Variants in PPP1R13L observed in about 807,000 individuals in gnomAD.
PPP1R13L encodes relA-associated inhibitor.
PPP1R13L carries 50 observed loss-of-function variants against 80.9 expected under a neutral mutation model. That is an observed-to-expected ratio of 0.62 (90% CI 0.49 to 0.78). The LOEUF (loss-of-function observed/expected upper bound fraction) is 0.78. Ranked by LOEUF, PPP1R13L falls within the 30% of genes least tolerant of loss-of-function variation. The pLI, the probability that PPP1R13L is intolerant of heterozygous loss-of-function variation, is 0.00. For missense variants in PPP1R13L, 1,200 were observed against 1,205.9 expected (o/e 1.00, Z 0.07); for synonymous variants, 602 against 534.3 (o/e 1.13, Z -1.75).
intron 11 of PPP1R13L, among the ~76,000 whole-genome samples, chr19:45,385,133 C>A (rs1313655786): frequency 2.0e-5 from 3 of 152,184 alleles, no homozygotes; most frequent in Non-Finnish European, 2.9e-5. Context: ...TAGGGTACAG[C>A]CTTGTGTCTT....
intron 1 of PPP1R13L, among the ~76,000 whole-genome samples, chr19:45,400,592 G>A (rs1162302191): frequency 1.4e-5 from 2 of 145,708 alleles, no homozygotes; most frequent in African/African-American, 5.1e-5. Flanking sequence ...CAAAGAAGAA[G>A]GCAAATCACC....
Position 45,400,740 on chromosome 19 carries a change from C to T in PPP1R13L, c.-21-2401G>A, listed in dbSNP as rs375421010. 1.0e-3 allele frequency among the ~76,000 whole-genome samples: 148 copies of T among 145,844 alleles called. 28 individuals are homozygous for T. In the South Asian group the frequency reaches 0.022, roughly 21 times the overall value. ...GTAGCTGAGACTATAGGTATAGCCT[C>T]GCACCACCACACCCAGCTAATTTTT... On this transcript the variant is annotated intron_variant, in intron 1 of 12. Transcript: ENST00000360957.
chr19:45,388,679 A>G (rs975504487), intron 8 of PPP1R13L, among the ~76,000 whole-genome samples: 3 of 152,218 alleles, frequency 2.0e-5, no homozygotes, highest in South Asian at 2.1e-4. Flanking sequence ...TTCAAGAATC[A>G]GTAATAATCA....
chr19:45,381,746 C>T (rs1394307558), intron 12 of PPP1R13L, among the ~76,000 whole-genome samples: 4 of 145,902 alleles, frequency 2.7e-5, no homozygotes, highest in Non-Finnish European at 4.5e-5. Context: ...GCCTGGCCAA[C>T]GTGATGAAAC....
chr19:45,399,053 C>T (rs182934052), intron 1 of PPP1R13L, among the ~76,000 whole-genome samples: 266 of 151,972 alleles, frequency 1.8e-3, no homozygotes, highest in African/African-American at 6.0e-3. Flanking sequence ...ATGCCAGTCT[C>T]CTGTCTCAGC....
At chr19:45,404,321 G>C (rs567685535) in intron 1 of PPP1R13L, among the ~76,000 whole-genome samples, 1 of 152,296 alleles carries the variant, frequency 6.6e-6, no homozygotes, top group South Asian at 2.1e-4. Context: ...CCTCCGCCAG[G>C]GGGTGCCCTA....
In PPP1R13L at chr19:45,392,127, C is replaced by T. The variant is rs756270372; in HGVS notation, c.1568G>A (p.Arg523His). Residue 523 changes from arginine to histidine, a missense_variant, in exon 8 of 13, where the codon CGC (arginine) becomes CAC (histidine). Transcript: ENST00000360957. Reference protein sequence around the residue: ...VLAEIPRPLKRRGSMEQAPAV... With the variant: ...VLAEIPRPLKHRGSMEQAPAV... ...AGGGGCCTGCTCCATGGAGCCCCTG[C>T]GTTTGAGGGGCCGGGGAATTTCCGC... The T allele has an allele frequency of 8.9e-6, 14 of 1,569,624 alleles. No homozygotes were observed. The highest frequency in any genetic ancestry group is 1.4e-5 in the African/African-American group (1 of 73,972).
At chr19:45,395,230 G>C in intron 7 of PPP1R13L, 1 of 655,354 alleles carries the variant, frequency 1.5e-6, no homozygotes, top group Middle Eastern at 2.4e-4. Flanking sequence ...GAACCAGGCA[G>C]TCTGGCTTCA....
chr19:45,387,838 A>C (rs145288085), intron 8 of PPP1R13L, among the ~76,000 whole-genome samples: 1,791 of 152,300 alleles, frequency 0.012, 37 homozygotes, highest in African/African-American at 0.041. Context: ...GGTGTGAGCC[A>C]TCATGCCTGA....
At position 45,385,688 on chromosome 19, in the gene PPP1R13L, T is replaced by C; in HGVS notation, c.2122A>G (p.Ile708Val). The C allele has an allele frequency of 6.2e-7, 1 of 1,612,804 alleles. No homozygotes were observed. Among genetic ancestry groups the C allele is most frequent in the South Asian group, 1.1e-5 (1 of 91,038 alleles). ...CCGTGCTGCACCAGCGCCATGCAGA[T>C]GACTGTGTCGTTGCACGACGCCGCG... ...HCAASCNDTV[I>V]CMALVQHGAA... Residue 708 changes from isoleucine to valine, a missense_variant, in exon 11 of 13, where the codon ATC becomes GTC. By Grantham distance (29) the Ile-to-Val change is conservative. This residue lies in a region of PPP1R13L where 165 missense variants were observed against 177.1 expected (regional missense o/e 0.93). Transcript: ENST00000360957.
intron 8 of PPP1R13L, among the ~76,000 whole-genome samples, chr19:45,388,510 G>A (rs546852126): frequency 6.7e-6 from 1 of 150,316 alleles, no homozygotes. Flanking sequence ...AGTAGGTGGA[G>A]GCTGCAGTGA....
chr19:45,379,884 A>C lies in PPP1R13L; in HGVS notation c.*306T>G. Reference sequence around the variant, plus strand: ...GGGCAGGTGGCTGGCTTGCTGGGGGATGTGATGATGGTGGTAGGCATGGGA... The same window carrying C: ...GGGCAGGTGGCTGGCTTGCTGGGGGCTGTGATGATGGTGGTAGGCATGGGA... On this transcript the variant is annotated 3_prime_UTR_variant, in exon 13 of 13. Transcript: ENST00000360957. The C allele has an allele frequency of 3.8e-6, 1 of 264,664 alleles. No individual in the cohort carries two copies. Among genetic ancestry groups the C allele is most frequent in the Non-Finnish European group, 7.3e-6 (1 of 137,276 alleles). 16.4% of individuals were successfully genotyped at this position (264,664 alleles called of 1,614,324 possible).
In PPP1R13L at chr19:45,396,245, C is replaced by A. The variant is rs1426536635; in HGVS notation, c.826G>T (p.Ala276Ser). 2 of 1,610,106 alleles carry A rather than the reference C, an allele frequency of 1.2e-6. No individual in the cohort carries two copies. ...TGCAGGCTCGGCGAGGCAGGCCTTG[C>A]GAAGACGTCCAGGCCTGCGGGGCGG... ...TASYERLDVF[A>S]RPASPSLQLL... is the part of the protein sequence containing the mutation. Residue 276 changes from alanine to serine, a missense_variant, in exon 6 of 13, where the codon GCA becomes TCA. Ala to Ser is a moderately conservative substitution (Grantham distance 99, BLOSUM62 1). Coordinates refer to ENST00000360957, the MANE Select transcript of PPP1R13L (RefSeq NM_006663.4). The surrounding 1 kb of genome is among the most constrained non-coding windows in gnomAD (Gnocchi z 5.3).
chr19:45,382,336 C>G (rs1327573891), intron 12 of PPP1R13L, among the ~76,000 whole-genome samples, 191 bp downstream of exon 12: 1 of 152,172 alleles, frequency 6.6e-6, no homozygotes, highest in Non-Finnish European at 1.5e-5. Context: ...ATAAGGGACC[C>G]TTACCCCCGA....
chr19:45,385,814 C>CA lies in PPP1R13L; in HGVS notation c.2081+9_2081+10insT. ...GGGGGACCCAGCCCACCGCGCGGGT[C>CA]GGGGCTCACCAGCCGTGGCTGTCGG... On this transcript the variant is annotated intron_variant, in intron 10 of 12. Coordinates refer to ENST00000360957, the MANE Select transcript of PPP1R13L (RefSeq NM_006663.4). The CA allele has an allele frequency of 6.2e-7, 1 of 1,609,184 alleles. No individual in the cohort carries two copies. The highest frequency in any genetic ancestry group is 8.5e-7 in the Non-Finnish European group (1 of 1,178,442).
At chr19:45,403,688 C>T (rs1190375815) in intron 1 of PPP1R13L, among the ~76,000 whole-genome samples, 1 of 152,208 alleles carries the variant, frequency 6.6e-6, no homozygotes, top group Non-Finnish European at 1.5e-5. Flanking sequence ...GAGCTTGGTA[C>T]ACCCAGAGCC....
intron 7 of PPP1R13L, chr19:45,393,169 G>A (rs1341922864): frequency 6.6e-6 from 1 of 151,438 alleles, no homozygotes; most frequent in Non-Finnish European, 1.5e-5. Flanking sequence ...ACTCCAGCCT[G>A]GGCAAAAGAG....
chr19:45,404,981 C>T lies in PPP1R13L; in HGVS notation c.-22+18G>A, dbSNP rs1307442957. The T allele has an allele frequency of 4.0e-5, 39 of 985,714 alleles. No individual in the cohort carries two copies. Among genetic ancestry groups the T allele is most frequent in the Non-Finnish European group, 4.7e-5 (39 of 829,918 alleles). The allele number at this position is 985,714 out of a possible 1,614,324, so 61.1% of individuals were successfully genotyped here. ...GGGCTTTTTCAGGGCCTCTGGTCCC[C>T]AGGAGGGTGAAACTCACGGATCCGG... On this transcript the variant is annotated intron_variant, in intron 1 of 12. Transcript: ENST00000360957.
At chr19:45,401,001 C>T in intron 1 of PPP1R13L, among the ~76,000 whole-genome samples, 1 of 95,304 alleles carries the variant, frequency 1.0e-5, no homozygotes, top group Non-Finnish European at 1.8e-5. Context: ...TGGTCTCGAT[C>T]TCCTGACCTC....
Sources: gnomAD v4.1 joint callset for allele counts (sites outside exome capture counted in the v4.1 genomes callset) on GRCh38, gnomAD v4.1.1 for gene constraint, gnomAD v4.1.1 regional missense constraint, Gnocchi (gnomAD v3.1) non-coding constraint, MANE v1.5 for transcripts, NCBI Gene and HGNC (gene_info 2026-07-23, HGNC 2026-07-21) for gene names.